Variants in PCSK2 observed in about 807,000 individuals in gnomAD.
PCSK2 encodes the protein neuroendocrine convertase 2.
In PCSK2, 14 loss-of-function variants were observed where a neutral mutation model predicts 69.7. That is an observed-to-expected ratio of 0.20 (90% confidence interval 0.13 to 0.31). The LOEUF (loss-of-function observed/expected upper bound fraction) is 0.31, where lower values mean the gene tolerates loss of function less well. Among genes scored for constraint, PCSK2 ranks in the 10% least tolerant of loss-of-function variants. The pLI, the probability that PCSK2 is intolerant of heterozygous loss-of-function variation, is 1.00. For synonymous variants in PCSK2, 307 were observed against 320.7 expected (o/e 0.96, Z 0.46); for missense variants, 544 against 842.5 (o/e 0.65, Z 4.39).
At chr20:17,262,592 A>G (rs1197688942) in intron 2 of PCSK2, among the ~76,000 whole-genome samples, 1 of 152,200 alleles carries the variant, frequency 6.6e-6, no homozygotes, top group African/African-American at 2.4e-5. Context: ...ATAGAGTGGC[A>G]ACTATTCTGA....
At chr20:17,396,340 C>T (rs2031510836) in intron 5 of PCSK2, among the ~76,000 whole-genome samples, 1 of 152,184 alleles carries the variant, frequency 6.6e-6, no homozygotes, top group African/African-American at 2.4e-5. Flanking sequence ...CCAGGCAAGT[C>T]CATAACTGCA....
At chr20:17,466,404 T>A (rs942104187) in intron 11 of PCSK2, among the ~76,000 whole-genome samples, 1 of 152,238 alleles carries the variant, frequency 6.6e-6, no homozygotes, top group African/African-American at 2.4e-5. Context: ...AGTGTATGAC[T>A]ATAACACAAT....
At chr20:17,438,632 C>A (rs1315672272) in intron 8 of PCSK2, among the ~76,000 whole-genome samples, 1 of 152,204 alleles carries the variant, frequency 6.6e-6, no homozygotes, top group Non-Finnish European at 1.5e-5. Context: ...ATCCCCTTTA[C>A]CAGGCCTGGG....
chr20:17,282,340 A>G (rs1465664349), intron 2 of PCSK2, among the ~76,000 whole-genome samples: 1 of 152,172 alleles, frequency 6.6e-6, no homozygotes, highest in Non-Finnish European at 1.5e-5. Context: ...AAGGGTTCAA[A>G]GAAGGGAGAA....
At position 17,481,388 on chromosome 20, in the gene PCSK2, C is replaced by CAAA. The variant is rs3076146; in HGVS notation, c.1431-172_1431-170dup. 1.7e-3 allele frequency among the ~76,000 whole-genome samples: 114 copies of CAAA among 65,686 alleles called. 1 individual carries two copies. The highest frequency in any genetic ancestry group is 3.1e-3 in the African/African-American group (41 of 13,176). The allele number at this position is 65,686 out of a possible 152,430, so 43.1% of individuals were successfully genotyped here. On this transcript the variant is annotated intron_variant, in intron 11 of 11. Transcript: ENST00000262545. ...CAGAGTGGGACCCTGTCTCAAAAGACAAAAAAAAAAAAAAAAAAAAAAAAA... is the reference window on the plus strand; with the variant it reads ...CAGAGTGGGACCCTGTCTCAAAAGACAAAAAAAAAAAAAAAAAAAAAAAAAAAA...
chr20:17,439,085 G>A (rs2032545184), intron 8 of PCSK2, among the ~76,000 whole-genome samples: 1 of 152,040 alleles, frequency 6.6e-6, no homozygotes, highest in African/African-American at 2.4e-5. Flanking sequence ...AGGAAGCTTA[G>A]AACTAAGTGT....
At position 17,478,766 on chromosome 20, in the gene PCSK2, A is replaced by G. The variant is rs553387408; in HGVS notation, c.1431-2818A>G. Reference sequence around the variant, plus strand: ...AGCTGAAAGAGAATTTTATTATCTGAATGGAGTTCCCCATCACCTTACGTA... The same window carrying G: ...AGCTGAAAGAGAATTTTATTATCTGGATGGAGTTCCCCATCACCTTACGTA... On this transcript the variant is annotated intron_variant, in intron 11 of 11. Coordinates refer to ENST00000262545, the MANE Select transcript of PCSK2 (RefSeq NM_002594.5). Among the ~76,000 whole-genome samples the G allele has an allele frequency of 2.6e-5, 4 of 152,326 alleles. No homozygotes were observed. The South Asian group carries it at 8.3e-4, about 32-fold the overall frequency.
In PCSK2 at chr20:17,482,165, C is replaced by G; in HGVS notation, c.*95C>G. On this transcript the variant is annotated 3_prime_UTR_variant, in exon 12 of 12. Coordinates refer to ENST00000262545, the MANE Select transcript of PCSK2 (RefSeq NM_002594.5). The stretch of plus-strand genomic sequence containing the variant: ...GCAGGCACCTAGCAATTCCATCACC[C>G]GTACAGGCAATTCCGTCTTCTTAAT... The G allele has an allele frequency of 8.8e-7, 1 of 1,139,756 alleles. No homozygotes were observed. The highest frequency in any genetic ancestry group is 1.6e-5 in the South Asian group (1 of 60,760). The allele number at this position is 1,139,756 out of a possible 1,614,324, so 70.6% of individuals were successfully genotyped here. A position where few individuals can be genotyped will look rare whatever the true frequency, so the allele number is the denominator to read the frequency against.
chr20:17,280,221 C>T (rs778732355), intron 2 of PCSK2, among the ~76,000 whole-genome samples: 1 of 152,080 alleles, frequency 6.6e-6, no homozygotes, highest in African/African-American at 2.4e-5. Context: ...AGTAGTATAT[C>T]TTAGAGAATT....
At chr20:17,377,785 G>A (rs6034809) in intron 5 of PCSK2, among the ~76,000 whole-genome samples, 14,879 of 152,198 alleles carry the variant, frequency 0.098, 940 homozygotes, top group Non-Finnish European at 0.14. Context: ...ATCACTTAAT[G>A]CAACTCATGT....
intron 1 of PCSK2, among the ~76,000 whole-genome samples, chr20:17,237,678 C>T (rs1381098932): frequency 6.6e-6 from 1 of 152,006 alleles, no homozygotes; most frequent in Non-Finnish European, 1.5e-5. Context: ...AGATGTAGGC[C>T]CTGGAATAAG....
At chr20:17,380,812 A>C (rs2031066849) in intron 5 of PCSK2, among the ~76,000 whole-genome samples, 1 of 152,202 alleles carries the variant, frequency 6.6e-6, no homozygotes, top group South Asian at 2.1e-4. Flanking sequence ...CATTTTTTAA[A>C]TGAAATTAAA....
intron 8 of PCSK2, among the ~76,000 whole-genome samples, chr20:17,448,763 G>A (rs2123372065): frequency 6.6e-6 from 1 of 152,204 alleles, no homozygotes; most frequent in Non-Finnish European, 1.5e-5. Flanking sequence ...ACACTCCATA[G>A]TACCTAGGTT....
chr20:17,333,937 G>A (rs200274001), intron 2 of PCSK2, among the ~76,000 whole-genome samples: 6,166 of 68,602 alleles, frequency 0.09, 399 homozygotes, highest in East Asian at 0.4. Flanking sequence ...ATATATATAT[G>A]GCTTCAAATC....
At chr20:17,301,382 T>A (rs1989077937) in intron 2 of PCSK2, among the ~76,000 whole-genome samples, 2 of 152,168 alleles carry the variant, frequency 1.3e-5, no homozygotes, top group African/African-American at 4.8e-5. Flanking sequence ...GATAAAATAG[T>A]GTCAAGAACT....
At chr20:17,356,686 G>A (rs924509087) in intron 2 of PCSK2, among the ~76,000 whole-genome samples, 1 of 152,182 alleles carries the variant, frequency 6.6e-6, no homozygotes, top group Admixed American at 6.5e-5. Flanking sequence ...TTGTCAGGAA[G>A]ATATCGGGGG....
intron 2 of PCSK2, among the ~76,000 whole-genome samples, chr20:17,356,926 G>A (rs764729438): frequency 2.0e-5 from 3 of 152,022 alleles, no homozygotes; most frequent in Non-Finnish European, 4.4e-5. Flanking sequence ...TGCAGCAGGC[G>A]GGCACCTAGA....
chr20:17,424,416 AAG>A (rs1287220701), intron 6 of PCSK2, among the ~76,000 whole-genome samples: 4 of 152,302 alleles, frequency 2.6e-5, no homozygotes, highest in African/African-American at 9.6e-5. Flanking sequence ...TGAGGAAGCA[AAG>A]AGGGGAAGGA....
intron 8 of PCSK2, among the ~76,000 whole-genome samples, chr20:17,437,117 G>A (rs1034053406): frequency 5.4e-5 from 7 of 129,068 alleles, no homozygotes; most frequent in Middle Eastern, 8.1e-3. Flanking sequence ...TCCTGCAAAC[G>A]ACAGTGGGAA....
Sources: gnomAD v4.1 joint callset for allele counts (sites outside exome capture counted in the v4.1 genomes callset) on GRCh38, gnomAD v4.1.1 for gene constraint, MANE v1.5 for transcripts, NCBI Gene and HGNC (gene_info 2026-07-23, HGNC 2026-07-21) for gene names.